The following RBFOX1 variants were observed in gnomAD, a reference collection of about 807,000 sequenced individuals.
RBFOX1 encodes RNA binding fox-1 homolog 1, also known as RNA binding protein fox-1 homolog 1.
RBFOX1 carries 8 observed loss-of-function variants against 57.7 expected under a neutral mutation model. The ratio of observed to expected loss-of-function variants is 0.14; its 90% CI spans 0.08 to 0.25. The LOEUF is 0.25. Among genes scored for constraint, RBFOX1 ranks in the 10% least tolerant of loss-of-function variants. The pLI is 1.00. For synonymous variants in RBFOX1, 326 were observed against 222.4 expected, an observed-to-expected ratio of 1.47 and a Z score of -4.15; for missense variants, 611 against 548.5, an observed-to-expected ratio of 1.11 and a Z score of -1.14.
intron 4 of RBFOX1, among the ~76,000 whole-genome samples, chr16:7,343,471 G>C (rs1028779055): frequency 6.6e-6 from 1 of 152,160 alleles, no homozygotes; most frequent in Non-Finnish European, 1.5e-5. Flanking sequence ...GCTTTGTTGA[G>C]GTTTAAAAGG....
chr16:5,605,407 C>T (rs2047536942), intron 3 of RBFOX1, among the ~76,000 whole-genome samples: 1 of 152,200 alleles, frequency 6.6e-6, no homozygotes, highest in South Asian at 2.1e-4. Context: ...GACCCAGTCC[C>T]AGGTCAAGGA....
chr16:7,565,043 A>G (rs1173403116), intron 5 of RBFOX1, among the ~76,000 whole-genome samples: 1 of 152,166 alleles, frequency 6.6e-6, no homozygotes, highest in East Asian at 1.9e-4. Context: ...TTGCCGACGG[A>G]GCTCAAATGA....
rs114229792 is a variant in RBFOX1 at position 5,810,789 on chromosome 16, C to T, written c.319-56514C>T. Among the ~76,000 whole-genome samples the T allele has an allele frequency of 7.7e-3, 1,176 of 152,190 alleles. 16 individuals carry two copies. Among genetic ancestry groups the T allele is most frequent in the African/African-American group, 0.024 (981 of 41,510 alleles). ...GCTTTGGTAGCTCCCCTCTGAGTTA[C>T]GTGTATGTGTGCAAAAGGAAATCAT... On this transcript the variant is annotated intron_variant, in intron 3 of 19. Transcript: ENST00000641259.
intron 2 of RBFOX1, among the ~76,000 whole-genome samples, chr16:6,377,677 A>C (rs1045238295): frequency 6.6e-6 from 1 of 152,162 alleles, no homozygotes; most frequent in East Asian, 1.9e-4. Flanking sequence ...TTGCTGTTCT[A>C]CCCTCTACAG....
At chr16:7,482,891 G>A (rs138128047) in intron 4 of RBFOX1, among the ~76,000 whole-genome samples, 125 of 152,236 alleles carry the variant, frequency 8.2e-4, no homozygotes, top group African/African-American at 3.0e-3. Context: ...AAGACTGAGA[G>A]GGGGGCAGCT....
intron 2 of RBFOX1, among the ~76,000 whole-genome samples, chr16:5,580,523 C>T (rs1175117434): frequency 6.6e-6 from 1 of 152,222 alleles, no homozygotes; most frequent in East Asian, 1.9e-4. Flanking sequence ...TGTGCCTTAG[C>T]TCAGAGCCAG....
At chr16:7,516,991 C>T (rs2076496045) in intron 4 of RBFOX1, among the ~76,000 whole-genome samples, 1 of 152,138 alleles carries the variant, frequency 6.6e-6, no homozygotes, top group Non-Finnish European at 1.5e-5. Flanking sequence ...GCCAAAGTCA[C>T]ATCTAATTGA....
At chr16:5,275,540 CACAA>C (rs1484627288) in intron 1 of RBFOX1, among the ~76,000 whole-genome samples, 1 of 152,162 alleles carries the variant, frequency 6.6e-6, no homozygotes, top group African/African-American at 2.4e-5. Context: ...TCATAGATGA[CACAA>C]ACAAATGGAA....
intron 1 of RBFOX1, among the ~76,000 whole-genome samples, chr16:6,067,379 C>CAAACAAACAAACAAACAAA (rs71142673): frequency 1.5e-5 from 2 of 130,492 alleles, no homozygotes; most frequent in Admixed American, 7.0e-5. Context: ...CAAAAACAAA[C>CAAACAAACAAACAAACAAA]CAACCAAACA....
intron 4 of RBFOX1, among the ~76,000 whole-genome samples, chr16:7,173,518 T>C (rs56300114): frequency 0.033 from 5,066 of 152,270 alleles, 271 homozygotes; most frequent in African/African-American, 0.12. Context: ...AGAAGTCATT[T>C]TGTCTCATTC....
At chr16:6,350,869 G>A (rs1301076825) in intron 2 of RBFOX1, among the ~76,000 whole-genome samples, 1 of 152,216 alleles carries the variant, frequency 6.6e-6, no homozygotes, top group Non-Finnish European at 1.5e-5. Flanking sequence ...ACCAGGGTCT[G>A]AAAACTTGGA....
chr16:7,199,700 C>G (rs936688794), intron 4 of RBFOX1, among the ~76,000 whole-genome samples: 9 of 152,116 alleles, frequency 5.9e-5, no homozygotes, highest in African/African-American at 2.2e-4. Flanking sequence ...TCAAGATCTG[C>G]CTTTGCCAAC....
chr16:6,710,708 C>T (rs551555685), intron 3 of RBFOX1, among the ~76,000 whole-genome samples: 2 of 152,346 alleles, frequency 1.3e-5, no homozygotes, highest in African/African-American at 4.8e-5. Flanking sequence ...ACATCAAGGC[C>T]CTGCTTGCCC....
At chr16:6,144,379 T>G (rs1346892748) in intron 1 of RBFOX1, among the ~76,000 whole-genome samples, 3 of 152,176 alleles carry the variant, frequency 2.0e-5, no homozygotes, top group Non-Finnish European at 2.9e-5. Flanking sequence ...ATCTAACACA[T>G]CATTCTCCTC....
intron 3 of RBFOX1, among the ~76,000 whole-genome samples, chr16:5,702,921 C>G (rs140935172): frequency 6.6e-4 from 100 of 152,312 alleles, no homozygotes; most frequent in African/African-American, 2.2e-3. Context: ...CTTATTGTAT[C>G]TGTTACTATG....
At chr16:6,660,934 G>T (rs190814698) in intron 3 of RBFOX1, among the ~76,000 whole-genome samples, 1 of 152,072 alleles carries the variant, frequency 6.6e-6, no homozygotes, top group Non-Finnish European at 1.5e-5. Flanking sequence ...CCTTGGTGTA[G>T]GTCAGGAAAT....
At chr16:6,931,984 C>G (rs900666187) in intron 3 of RBFOX1, among the ~76,000 whole-genome samples, 7 of 152,302 alleles carry the variant, frequency 4.6e-5, no homozygotes, top group South Asian at 2.1e-4. Context: ...CCCAAGATAA[C>G]TAACCCACTC....
intron 3 of RBFOX1, among the ~76,000 whole-genome samples, chr16:6,689,795 G>A (rs559741546): frequency 6.6e-6 from 1 of 152,300 alleles, no homozygotes; most frequent in South Asian, 2.1e-4. Flanking sequence ...TTCCTACGGG[G>A]AGAGACTCAA....
intron 2 of RBFOX1, among the ~76,000 whole-genome samples, chr16:6,382,891 C>G (rs527376489): frequency 6.6e-6 from 1 of 152,194 alleles, no homozygotes; most frequent in East Asian, 1.9e-4. Context: ...CTCAAGCCCA[C>G]TGAAAAGTGT....
Sources: gnomAD v4.1 joint callset for allele counts (sites outside exome capture counted in the v4.1 genomes callset) on GRCh38, gnomAD v4.1.1 for gene constraint, MANE v1.5 for transcripts, NCBI Gene and HGNC (gene_info 2026-07-23, HGNC 2026-07-21) for gene names.